Variants in NTRK3 observed in about 807,000 individuals in gnomAD.
The protein encoded by NTRK3 is neurotrophic receptor tyrosine kinase 3.
Under a neutral mutation model 91.7 loss-of-function variants are expected in NTRK3, and 24 were observed. The ratio of observed to expected loss-of-function variants is 0.26; its 90% CI spans 0.19 to 0.37. The LOEUF is 0.37. NTRK3 is among the 10% of genes least tolerant of loss of function. The probability of loss-of-function intolerance (pLI) is 1.00; values close to 1 mark genes in which losing one functional copy is unlikely to be tolerated. For missense variants in NTRK3, 880 were observed against 1,068.9 expected (o/e 0.82, Z 2.46); for synonymous variants, 483 against 404.0 (o/e 1.20, Z -2.34).
chr15:88,079,902 C>G (rs994419341), intron 13 of NTRK3, among the ~76,000 whole-genome samples: 5 of 152,164 alleles, frequency 3.3e-5, no homozygotes, highest in African/African-American at 7.2e-5. Context: ...TATATCTTTC[C>G]AACTCTTTTT....
At position 88,075,818 on chromosome 15, in the gene NTRK3, A is replaced by G. The variant is rs192924935; in HGVS notation, c.1397-42773T>C. ...CAGGGGGTGTCACATGAGAGTCCCA[A>G]TTCTACTACTTGCTGACCATGTGCC... On this transcript the variant is annotated intron_variant, in intron 13 of 18. Transcript: ENST00000394480. Among the ~76,000 whole-genome samples, 8 of 152,300 alleles carry G rather than the reference A, an allele frequency of 5.3e-5. No homozygotes were observed. The East Asian group carries it at 1.5e-3, about 29-fold the overall frequency.
chr15:87,974,998 C>G (rs1303783987), intron 14 of NTRK3, among the ~76,000 whole-genome samples: 1 of 152,140 alleles, frequency 6.6e-6, no homozygotes, highest in African/African-American at 2.4e-5. Context: ...CAGGCAGTCC[C>G]CCTGTCAGTC....
intron 14 of NTRK3, among the ~76,000 whole-genome samples, chr15:88,020,275 G>A (rs1008314426): frequency 6.6e-6 from 1 of 152,146 alleles, no homozygotes; most frequent in Non-Finnish European, 1.5e-5. Context: ...TGAGCCCACA[G>A]AGTTTCGGTC....
chr15:87,909,493 G>A (rs2066961781), intron 17 of NTRK3, among the ~76,000 whole-genome samples: 1 of 152,172 alleles, frequency 6.6e-6, no homozygotes, highest in Non-Finnish European at 1.5e-5. Flanking sequence ...AGGCTGAAAA[G>A]ACCATCCAGT....
At chr15:88,102,070 G>T (rs2050232126) in intron 13 of NTRK3, among the ~76,000 whole-genome samples, 1 of 151,720 alleles carries the variant, frequency 6.6e-6, no homozygotes, top group Admixed American at 6.6e-5. Context: ...AGCGGAAATG[G>T]GGTATCCCCA....
chr15:87,877,547 G>A (rs908592684), intron 18 of NTRK3, among the ~76,000 whole-genome samples: 2 of 152,096 alleles, frequency 1.3e-5, no homozygotes, highest in Non-Finnish European at 2.9e-5. Context: ...CCATGAAGGA[G>A]CTCTGCACCC....
At chr15:88,078,476 C>A (rs1022827583) in intron 13 of NTRK3, among the ~76,000 whole-genome samples, 5 of 152,172 alleles carry the variant, frequency 3.3e-5, no homozygotes, top group African/African-American at 1.2e-4. Flanking sequence ...ATGGCGAAAC[C>A]CTGTCTCTAC....
At chr15:87,919,878 A>G (rs1250059510) in intron 17 of NTRK3, among the ~76,000 whole-genome samples, 1 of 152,204 alleles carries the variant, frequency 6.6e-6, no homozygotes, top group East Asian at 1.9e-4. Flanking sequence ...TCTAGGGTCA[A>G]AGCAACAGTA....
chr15:88,005,023 A>G lies in NTRK3; in HGVS notation c.1585+27834T>C, dbSNP rs2141675073. On this transcript the variant is annotated intron_variant, in intron 14 of 18. Coordinates refer to ENST00000394480, the Ensembl canonical transcript of NTRK3. ...AAATGAGGCCTAGAGAGCTTAAGTA[A>G]TTTGTGCAAAGGTATGAAAGTAGAG... Among the ~76,000 whole-genome samples, 3 of 152,272 alleles carry G rather than the reference A, an allele frequency of 2.0e-5. No homozygotes were observed. The East Asian group carries it at 5.8e-4, about 29-fold the overall frequency.
intron 14 of NTRK3, among the ~76,000 whole-genome samples, chr15:88,028,608 C>T (rs2078248228): frequency 6.6e-6 from 1 of 152,092 alleles, no homozygotes; most frequent in South Asian, 2.1e-4. Flanking sequence ...GACAGGCCAT[C>T]TTTGCAGACC....
intron 13 of NTRK3, among the ~76,000 whole-genome samples, chr15:88,068,901 T>A (rs2046878264): frequency 6.6e-6 from 1 of 151,036 alleles, no homozygotes; most frequent in Non-Finnish European, 1.5e-5. Context: ...ACCAAGAGAT[T>A]AGAGGTCAAG....
At chr15:88,001,517 T>C (rs1464633230) in intron 14 of NTRK3, among the ~76,000 whole-genome samples, 1 of 152,192 alleles carries the variant, frequency 6.6e-6, no homozygotes, top group African/African-American at 2.4e-5. Flanking sequence ...TTTTTGTATA[T>C]GGTATGTGGT....
intron 14 of NTRK3, among the ~76,000 whole-genome samples, chr15:88,010,118 T>C (rs751154684): frequency 6.6e-6 from 1 of 152,168 alleles, no homozygotes; most frequent in Non-Finnish European, 1.5e-5. Context: ...CAGCCCCCTC[T>C]AGATCCCAGC....
chr15:88,205,137 C>T (rs1314813779), intron 3 of NTRK3, among the ~76,000 whole-genome samples: 3 of 152,162 alleles, frequency 2.0e-5, no homozygotes, highest in African/African-American at 7.2e-5. Context: ...TTTTCTCCCC[C>T]TGCTGCTAAG....
chr15:88,109,813 A>G (rs2051132883), intron 13 of NTRK3, among the ~76,000 whole-genome samples: 1 of 152,176 alleles, frequency 6.6e-6, no homozygotes, highest in East Asian at 1.9e-4. Context: ...CGATTCTACC[A>G]TAAAACCAAG....
intron 3 of NTRK3, among the ~76,000 whole-genome samples, chr15:88,202,143 T>C (rs1168861113): frequency 6.6e-6 from 1 of 152,202 alleles, no homozygotes; most frequent in East Asian, 1.9e-4. Flanking sequence ...GGCCAAAACC[T>C]GCAGGAGCCT....
intron 13 of NTRK3, among the ~76,000 whole-genome samples, chr15:88,090,092 C>T (rs909682113): frequency 1.1e-4 from 16 of 152,174 alleles, no homozygotes; most frequent in Non-Finnish European, 1.5e-4. Context: ...AAGCCCTCCC[C>T]TCTCTGCTCG....
At chr15:87,981,790 T>C (rs950140234) in intron 14 of NTRK3, among the ~76,000 whole-genome samples, 2 of 152,178 alleles carry the variant, frequency 1.3e-5, no homozygotes, top group African/African-American at 4.8e-5. Context: ...TTCTGGCTTC[T>C]AATATCCCAT....
At position 88,165,665 on chromosome 15, in the gene NTRK3, A is replaced by G. The variant is rs1372754422; in HGVS notation, c.395+17753T>C. Among the ~76,000 whole-genome samples the G allele has an allele frequency of 2.0e-5, 3 of 152,220 alleles. No individual in the cohort carries two copies. The South Asian group carries it at 6.2e-4, about 32-fold the overall frequency. Reference sequence around the variant, plus strand: ...TATTTGTCCACTGAATCTTCCCAACAACATTTTATGGTCTGTATTATTATA... The same window carrying G: ...TATTTGTCCACTGAATCTTCCCAACGACATTTTATGGTCTGTATTATTATA... On this transcript the variant is annotated intron_variant, in intron 5 of 18. Transcript: ENST00000394480.
Sources: gnomAD v4.1 joint callset for allele counts (sites outside exome capture counted in the v4.1 genomes callset) on GRCh38, gnomAD v4.1.1 for gene constraint, MANE v1.5 for transcripts, NCBI Gene and HGNC (gene_info 2026-07-23, HGNC 2026-07-21) for gene names.